CDH15: variants seen among roughly 807,000 people sequenced by gnomAD.
CDH15 encodes cadherin 15, also known as cadherin-15.
CDH15 carries 73 observed loss-of-function variants against 69.4 expected under a neutral mutation model. The observed-to-expected ratio is 1.05, with a 90% CI of 0.87 to 1.28. The LOEUF (loss-of-function observed/expected upper bound fraction) is 1.28. CDH15 is among the 50% of genes most tolerant of loss of function. CDH15 has a pLI of 0.00. For synonymous variants in CDH15, 624 were observed against 507.7 expected (o/e 1.23, Z -3.08); for missense variants, 1,343 against 1,133.6 (o/e 1.18, Z -2.65).
intron 1 of CDH15, among the ~76,000 whole-genome samples, chr16:89,175,792 C>T (rs571280983): frequency 6.6e-6 from 1 of 152,284 alleles, no homozygotes; most frequent in Admixed American, 6.5e-5. Context: ...TGCCTGGGAG[C>T]CTGAGGAACC....
At position 89,188,203 on chromosome 16, in the gene CDH15, C is replaced by T. The variant is rs768976296; in HGVS notation, c.896C>T (p.Thr299Ile). 17 of 1,613,318 alleles carry T rather than the reference C, an allele frequency of 1.1e-5. No homozygotes were observed. The highest frequency in any genetic ancestry group is 2.2e-5 in the East Asian group (1 of 44,880). The stretch of plus-strand genomic sequence containing the variant: ...TCCCCAAACTGGGTGGCCAGGTTCA[C>T]CATCCTGGAAGGCGACCCCGATGGG... ...PGSPNWVARF[T>I]ILEGDPDGQF... The change falls in exon 7 of 14, where the codon ACC becomes ATC. Residue 299 changes from threonine to isoleucine, a missense_variant. Coordinates refer to ENST00000289746, the MANE Select transcript of CDH15 (RefSeq NM_004933.3).
chr16:89,174,981 G>A (rs1915228171), intron 1 of CDH15, among the ~76,000 whole-genome samples: 1 of 152,216 alleles, frequency 6.6e-6, no homozygotes, highest in Admixed American at 6.5e-5. Context: ...GGATGGGGTG[G>A]GAGGACAAAG....
intron 1 of CDH15, among the ~76,000 whole-genome samples, chr16:89,177,804 G>T (rs1422437450): frequency 6.6e-6 from 1 of 152,192 alleles, no homozygotes; most frequent in Non-Finnish European, 1.5e-5. Context: ...CCTGTCAGCT[G>T]CGGCAGCTTC....
chr16:89,177,003 G>A (rs1184346992), intron 1 of CDH15, among the ~76,000 whole-genome samples: 1 of 152,130 alleles, frequency 6.6e-6, no homozygotes, highest in Non-Finnish European at 1.5e-5. Context: ...GGTGCAGGAG[G>A]CTGCCCCGTC....
Position 89,194,990 on chromosome 16 carries a change from C to T in CDH15, c.2280C>T (p.Asp760=), listed in dbSNP as rs758842587. Residue 760 remains aspartate (D), a synonymous_variant, in exon 14 of 14, where the codon GAC becomes GAT. Transcript: ENST00000289746. The stretch of plus-strand genomic sequence containing the variant: ...TCCTGTCCAGCCAGGGCGATGAGGA[C>T]CAGGACTACGACTACCTCAGAGACT... ...SSILSSQGDE[D]QDYDYLRDWG... 3.3e-5 allele frequency: 53 copies of T among 1,611,750 alleles called. No homozygotes were observed. The South Asian group carries it at 5.3e-4, about 16-fold the overall frequency.
chr16:89,191,580 C>T (rs2151604052), intron 9 of CDH15, 75 bp from the exon 10 acceptor site: 2 of 1,574,428 alleles, frequency 1.3e-6, no homozygotes, highest in Non-Finnish European at 1.7e-6. Context: ...CTCAGAGCTG[C>T]GCACCCGCTC....
Position 89,185,371 on chromosome 16 carries a change from C to G in CDH15, c.663+38C>G. 3 of 1,559,640 alleles carry G rather than the reference C, an allele frequency of 1.9e-6. 1 individual carries two copies. On this transcript the variant is annotated intron_variant, in intron 5 of 13. Transcript: ENST00000289746. ...CCCGGCAGCTCCACACCCGCACGGC[C>G]AGGGCAGCCCATCTCCTGCGGGTCC...
intron 13 of CDH15, among the ~76,000 whole-genome samples, chr16:89,194,324 G>C (rs1460946682): frequency 2.0e-5 from 3 of 152,328 alleles, no homozygotes; most frequent in South Asian, 2.1e-4. Flanking sequence ...TGCACACGGG[G>C]AATCTGGGGT....
chr16:89,195,062 C>A, the CDH15 span: 1 of 1,612,452 alleles, frequency 6.2e-7, no homozygotes, highest in Non-Finnish European at 8.5e-7. Flanking sequence ...GGCACCCGTG[C>A]GGGTTGGAGT....
At chr16:89,189,816 G>A (rs894038178) in intron 7 of CDH15, among the ~76,000 whole-genome samples, 3 of 152,258 alleles carry the variant, frequency 2.0e-5, no homozygotes, top group Admixed American at 6.5e-5. Flanking sequence ...GGCTGGGCAG[G>A]TCTAACGTGC....
intron 1 of CDH15, among the ~76,000 whole-genome samples, chr16:89,173,898 G>A (rs1393627663): frequency 6.6e-6 from 1 of 152,234 alleles, no homozygotes; most frequent in Admixed American, 6.5e-5. Context: ...GCTGAGGTCT[G>A]GGGCAGCACA....
chr16:89,187,087 CACTT>C lies in CDH15; in HGVS notation c.664-339_664-336del, dbSNP rs148835831. Among the ~76,000 whole-genome samples the C allele has an allele frequency of 7.2e-3, 1,077 of 150,416 alleles. 15 individuals are homozygous for C. The highest frequency in any genetic ancestry group is 0.025 in the African/African-American group (1,018 of 40,458). On this transcript the variant is annotated intron_variant, in intron 5 of 13. Coordinates refer to ENST00000289746, the MANE Select transcript of CDH15 (RefSeq NM_004933.3). ...CCGGGCACACAAGGTGCTCTGTAAA[CACTT>C]ACCCAGCACAGAATAGGTGCTCTGC...
chr16:89,187,393 G>A (rs1464253213), intron 5 of CDH15, 36 bp from the exon 6 acceptor site: 2 of 1,610,074 alleles, frequency 1.2e-6, no homozygotes, highest in African/African-American at 1.3e-5. Context: ...CCCCACCTGG[G>A]CCCTCATCTT....
intron 8 of CDH15, among the ~76,000 whole-genome samples, chr16:89,191,088 CTA>C (rs1456364353): frequency 9.2e-5 from 14 of 151,396 alleles, no homozygotes; most frequent in Admixed American, 2.0e-4. Flanking sequence ...GGGGGAGTGT[CTA>C]TGTGTATATA....
intron 1 of CDH15, among the ~76,000 whole-genome samples, chr16:89,176,995 T>C (rs1915271570): frequency 2.0e-5 from 3 of 151,936 alleles, no homozygotes; most frequent in Admixed American, 2.0e-4. Context: ...AGCCGGGTGG[T>C]GCAGGAGGCT....
At chr16:89,180,546 G>C (rs1915353567) in intron 3 of CDH15, among the ~76,000 whole-genome samples, 191 bp downstream of exon 3, 1 of 152,212 alleles carries the variant, frequency 6.6e-6, no homozygotes, top group Non-Finnish European at 1.5e-5. Flanking sequence ...GGAGGCAACT[G>C]TTGAGGGTTA....
At chr16:89,190,980 A>G (rs1915626000) in intron 8 of CDH15, among the ~76,000 whole-genome samples, 1 of 143,278 alleles carries the variant, frequency 7.0e-6, no homozygotes, top group African/African-American at 2.6e-5. Context: ...TCATATTCAC[A>G]TGGGTTGTGT....
intron 1 of CDH15, 134 bp downstream of exon 1, chr16:89,172,007 G>T: frequency 2.2e-6 from 2 of 904,332 alleles, no homozygotes; most frequent in Non-Finnish European, 3.4e-6. Flanking sequence ...GAGCGGAGTG[G>T]CTCCGGGTGG....
intron 6 of CDH15, 142 bp downstream of exon 6, chr16:89,187,699 A>G: frequency 1.6e-6 from 2 of 1,246,662 alleles, no homozygotes; most frequent in South Asian, 2.6e-5. Flanking sequence ...GGGCGGGTGG[A>G]AGCCCAAGCT....
Sources: gnomAD v4.1 joint callset for allele counts (sites outside exome capture counted in the v4.1 genomes callset) on GRCh38, gnomAD v4.1.1 for gene constraint, MANE v1.5 for transcripts, NCBI Gene and HGNC (gene_info 2026-07-23, HGNC 2026-07-21) for gene names.